LGMN: variants seen among roughly 807,000 people sequenced by gnomAD.
LGMN encodes the protein legumain.
A neutral mutation model predicts 56.8 loss-of-function variants in LGMN; 36 were observed. The observed-to-expected ratio is 0.63, with a 90% CI of 0.49 to 0.84. The LOEUF (loss-of-function observed/expected upper bound fraction) is 0.84. LGMN is among the 40% of genes least tolerant of loss of function. The pLI, the probability that LGMN is intolerant of heterozygous loss-of-function variation, is 0.00. For synonymous variants in LGMN, 199 were observed against 210.1 expected (o/e 0.95, Z 0.46); for missense variants, 446 against 556.1 (o/e 0.80, Z 1.99).
intron 1 of LGMN, among the ~76,000 whole-genome samples, chr14:92,746,454 T>C (rs1318877387): frequency 6.6e-6 from 1 of 152,244 alleles, no homozygotes; most frequent in African/African-American, 2.4e-5. Flanking sequence ...TATTTCTTAC[T>C]GATTAATGCT....
intron 1 of LGMN, among the ~76,000 whole-genome samples, chr14:92,747,489 C>T (rs1036677632): frequency 1.1e-4 from 17 of 152,096 alleles, no homozygotes; most frequent in Admixed American, 9.2e-4. Flanking sequence ...GACTCCGTCT[C>T]AAAAACAAAA....
At chr14:92,715,585 G>A (rs1890032584) in intron 5 of LGMN, among the ~76,000 whole-genome samples, 1 of 152,262 alleles carries the variant, frequency 6.6e-6, no homozygotes, top group Non-Finnish European at 1.5e-5. Flanking sequence ...TATGCTACTA[G>A]AATCTCTGGC....
At chr14:92,731,053 G>A (rs541418112) in intron 2 of LGMN, among the ~76,000 whole-genome samples, 6 of 152,082 alleles carry the variant, frequency 3.9e-5, no homozygotes, top group Admixed American at 6.6e-5. Context: ...GCCTGGGTTT[G>A]AAAACTGGCC....
rs1014098887 is a variant in LGMN at position 92,714,151 on chromosome 14, C to G, written c.480+225G>C. The stretch of plus-strand genomic sequence containing the variant: ...AGTGTGATACACCCACATCCTGAGA[C>G]AGCTACCGACGCTGCGACATGAACA... On this transcript the variant is annotated intron_variant, in intron 6 of 13. Transcript: ENST00000334869. The surrounding 1 kb of genome is among the most constrained non-coding windows in gnomAD (Gnocchi z 5.1). Among the ~76,000 whole-genome samples, 1 of 152,204 alleles carries G rather than the reference C, an allele frequency of 6.6e-6. No individual in the cohort carries two copies. Among genetic ancestry groups the G allele is most frequent in the African/African-American group, 2.4e-5 (1 of 41,444 alleles).
chr14:92,719,345 CCACCACCACCAA>C (rs1305503921), intron 2 of LGMN, among the ~76,000 whole-genome samples: 2 of 143,636 alleles, frequency 1.4e-5, no homozygotes, highest in East Asian at 2.0e-4. Context: ...GCCATCACCG[CCACCACCACCAA>C]CACCACCACC....
At chr14:92,739,797 T>C (rs1046057207) in intron 1 of LGMN, among the ~76,000 whole-genome samples, 1 of 152,182 alleles carries the variant, frequency 6.6e-6, no homozygotes, top group Non-Finnish European at 1.5e-5. Context: ...TATGGTGGGA[T>C]ACTGTGAAGG....
At chr14:92,706,767 C>T (rs974005267) in intron 11 of LGMN, 114 bp from the exon 12 acceptor site, 18 of 951,344 alleles carry the variant, frequency 1.9e-5, no homozygotes, top group South Asian at 5.6e-5. Flanking sequence ...CTCAGCCTCC[C>T]GCAGGTTAGA....
chr14:92,741,862 A>G (rs1891571010), intron 1 of LGMN: 2 of 152,102 alleles, frequency 1.3e-5, no homozygotes, highest in Non-Finnish European at 2.9e-5. Context: ...GACTCCACCT[A>G]ATAAAAAGAA....
chr14:92,735,306 A>G (rs1226484573), intron 1 of LGMN, among the ~76,000 whole-genome samples: 3 of 152,130 alleles, frequency 2.0e-5, no homozygotes, highest in African/African-American at 7.2e-5. Flanking sequence ...TCCCAGGTTC[A>G]AGCGATTCTC....
chr14:92,724,682 A>C (rs913721447), intron 2 of LGMN, among the ~76,000 whole-genome samples: 1 of 152,220 alleles, frequency 6.6e-6, no homozygotes, highest in African/African-American at 2.4e-5. Context: ...AGAGATTGTG[A>C]CTTGGCTGGT....
intron 2 of LGMN, among the ~76,000 whole-genome samples, chr14:92,726,668 G>A (rs1307428074): frequency 6.6e-6 from 1 of 152,046 alleles, no homozygotes; most frequent in African/African-American, 2.4e-5. Flanking sequence ...CTCCTAACAC[G>A]CCTCACCATG....
intron 2 of LGMN, among the ~76,000 whole-genome samples, chr14:92,723,825 G>A (rs1890613432): frequency 6.6e-6 from 1 of 152,062 alleles, no homozygotes; most frequent in African/African-American, 2.4e-5. Flanking sequence ...TCTGCCTCCA[G>A]GGTCCAAGCG....
Position 92,705,773 on chromosome 14 carries a change from G to A in LGMN, c.1191+710C>T, listed in dbSNP as rs143980077. Among the ~76,000 whole-genome samples the A allele has an allele frequency of 7.6e-3, 1,151 of 152,000 alleles. 16 individuals are homozygous for A. The highest frequency in any genetic ancestry group is 0.027 in the African/African-American group (1,122 of 41,452). On this transcript the variant is annotated intron_variant, in intron 12 of 13. Coordinates refer to ENST00000334869, the MANE Select transcript of LGMN (RefSeq NM_005606.7). ...CTCCCGAGTAGTTGGGATTACGGGC[G>A]TGCACCACCAAGTCTGGCTAATTTT...
intron 1 of LGMN, among the ~76,000 whole-genome samples, chr14:92,735,245 G>A (rs962757025): frequency 6.6e-6 from 1 of 151,964 alleles, no homozygotes; most frequent in Non-Finnish European, 1.5e-5. Flanking sequence ...CTTGCTCTGT[G>A]GCTCAGGCTG....
At chr14:92,718,991 C>A in intron 2 of LGMN, 147 bp from the exon 3 acceptor site, 2 of 581,300 alleles carry the variant, frequency 3.4e-6, no homozygotes, top group South Asian at 2.1e-5. Flanking sequence ...AAAACACATA[C>A]ATTGATATTT....
intron 2 of LGMN, 99 bp from the exon 3 acceptor site, chr14:92,718,943 G>GAATCATCCCGTCGGTCAGGCATTT: frequency 1.5e-6 from 1 of 688,686 alleles, no homozygotes; most frequent in Non-Finnish European, 2.6e-6. Flanking sequence ...GACTTACTGT[G>GAATCATCCCGTCGGTCAGGCATTT]AATCATCCCG....
At chr14:92,716,252 C>T (rs1393768763) in intron 4 of LGMN, 31 bp from the exon 5 acceptor site, 1 of 1,501,036 alleles carries the variant, frequency 6.7e-7, no homozygotes, top group Admixed American at 1.7e-5. Flanking sequence ...CAATCAGATG[C>T]AGCTGTCGCT....
In LGMN at chr14:92,732,710, C is replaced by T; in HGVS notation, c.77G>A (p.Gly26Glu). ...CACGATCACCACCCAGTGCTTGCCT[C>T]CATCTTCAGGATCATCTATAGGAAC... ...GAVPIDDPED[G>E]GKHWVVIVAG... Residue 26 changes from glycine to glutamate, a missense_variant, in exon 2 of 14, where the codon GGA becomes GAA. Physicochemically the swap from Gly to Glu is moderately conservative, Grantham distance 98. Coordinates refer to ENST00000334869, the MANE Select transcript of LGMN (RefSeq NM_005606.7). 1 of 1,614,212 alleles carries T rather than the reference C, an allele frequency of 6.2e-7. No individual in the cohort carries two copies. Among genetic ancestry groups the T allele is most frequent in the Non-Finnish European group, 8.5e-7 (1 of 1,180,036 alleles).
intron 1 of LGMN, among the ~76,000 whole-genome samples, chr14:92,743,381 T>C (rs1891658247): frequency 6.6e-6 from 1 of 152,010 alleles, no homozygotes. Flanking sequence ...CGGGCACCGA[T>C]AGTCCCACCT....
Sources: gnomAD v4.1 joint callset for allele counts (sites outside exome capture counted in the v4.1 genomes callset) on GRCh38, gnomAD v4.1.1 for gene constraint, Gnocchi (gnomAD v3.1) non-coding constraint, MANE v1.5 for transcripts, NCBI Gene and HGNC (gene_info 2026-07-23, HGNC 2026-07-21) for gene names.